The following CAMTA1 variants were observed in gnomAD, a reference collection of about 807,000 sequenced individuals.
CAMTA1 encodes calmodulin binding transcription activator 1.
A neutral mutation model predicts 170.9 loss-of-function variants in CAMTA1; 27 were observed. The ratio of observed to expected loss-of-function variants is 0.16; its 90% CI spans 0.12 to 0.22. The LOEUF (loss-of-function observed/expected upper bound fraction) is 0.22, where lower values mean the gene tolerates loss of function less well. Ranked by LOEUF, CAMTA1 falls within the 10% of genes least tolerant of loss-of-function variation. The pLI is 1.00. For missense variants in CAMTA1, 1,619 were observed against 2,217.2 expected, an observed-to-expected ratio of 0.73 and a Z score of 5.42; for synonymous variants, 833 against 891.5, an observed-to-expected ratio of 0.93 and a Z score of 1.17.
intron 5 of CAMTA1, among the ~76,000 whole-genome samples, chr1:7,269,814 G>A (rs1217900155): frequency 5.9e-5 from 9 of 152,160 alleles, no homozygotes; most frequent in Non-Finnish European, 1.5e-5. Flanking sequence ...TTGAAGAACA[G>A]GTGGTCAAGA....
chr1:7,136,981 C>T (rs1433626402), intron 4 of CAMTA1, among the ~76,000 whole-genome samples: 1 of 152,186 alleles, frequency 6.6e-6, no homozygotes, highest in Non-Finnish European at 1.5e-5. Context: ...CTGGCTTTCC[C>T]CTGGCCTTCA....
At chr1:6,978,640 A>T (rs1473807385) in intron 3 of CAMTA1, among the ~76,000 whole-genome samples, 5 of 150,648 alleles carry the variant, frequency 3.3e-5, no homozygotes, top group African/African-American at 1.2e-4. Flanking sequence ...TCTAAAAAAA[A>T]TACATATATA....
Position 7,173,097 on chromosome 1 carries a change from C to T in CAMTA1, c.303-76394C>T, listed in dbSNP as rs900228958. On this transcript the variant is annotated intron_variant, in intron 4 of 22. Coordinates refer to ENST00000303635, the MANE Select transcript of CAMTA1 (RefSeq NM_015215.4). This position sits in a 1 kb window ranked among gnomAD's most constrained non-coding sequence, Gnocchi z 5.4. ...CCGAAGCAAGAGCAGCCAGACGCTGCGTCCCTCCTGTCTCTTCAGCTGCGC... is the reference window on the plus strand; with the variant it reads ...CCGAAGCAAGAGCAGCCAGACGCTGTGTCCCTCCTGTCTCTTCAGCTGCGC... Among the ~76,000 whole-genome samples, 3 of 152,206 alleles carry T rather than the reference C, an allele frequency of 2.0e-5. No homozygotes were observed. Among genetic ancestry groups the T allele is most frequent in the South Asian group, 2.1e-4 (1 of 4,832 alleles).
rs2096742230 is a variant in CAMTA1 at position 7,732,612 on chromosome 1, G to A, written c.3066+13G>A. On this transcript the variant is annotated intron_variant, in intron 12 of 22. Coordinates refer to ENST00000303635, the MANE Select transcript of CAMTA1 (RefSeq NM_015215.4). The surrounding 1 kb of genome is among the most constrained non-coding windows in gnomAD (Gnocchi z 4.1). ...GAGCCAGGCACAGGTACGAGGCGGTGCTGATGCTCAGCTCCCATTTCGCTT... is the reference window on the plus strand; with the variant it reads ...GAGCCAGGCACAGGTACGAGGCGGTACTGATGCTCAGCTCCCATTTCGCTT... 4.4e-6 allele frequency: 7 copies of A among 1,579,410 alleles called. No homozygotes were observed. The East Asian group carries it at 9.1e-5, about 20-fold the overall frequency.
Position 7,661,778 on chromosome 1 carries a change from G to C in CAMTA1, c.717G>C (p.Ser239=). The change falls in exon 8 of 23, where the codon TCG becomes TCC. Residue 239 remains serine (S), a synonymous_variant. Coordinates refer to ENST00000303635, the MANE Select transcript of CAMTA1 (RefSeq NM_015215.4). ...CSNGNSSSGF[S]VEQLVQQILD... is the part of the protein sequence containing the mutation. ...ATGGGAACAGCAGCTCAGGCTTCTC[G>C]GTGGAACAGCTGGTGCAGCAGATCC... 6.2e-7 allele frequency: 1 copy of C among 1,613,922 alleles called. No homozygotes were observed. Among genetic ancestry groups the C allele is most frequent in the Non-Finnish European group, 8.5e-7 (1 of 1,179,988 alleles).
intron 5 of CAMTA1, among the ~76,000 whole-genome samples, chr1:7,376,979 C>G (rs1443032752): frequency 6.6e-6 from 1 of 152,142 alleles, no homozygotes; most frequent in African/African-American, 2.4e-5. Context: ...GTGCTGGACC[C>G]CTGCTGCATG....
At chr1:6,804,277 C>T (rs1014082975) in intron 1 of CAMTA1, among the ~76,000 whole-genome samples, 2 of 151,396 alleles carry the variant, frequency 1.3e-5, no homozygotes, top group Admixed American at 1.3e-4. Context: ...CTTGGCCTCC[C>T]GAAGTGCTGG....
intron 11 of CAMTA1, among the ~76,000 whole-genome samples, chr1:7,695,773 C>T (rs1055943743): frequency 1.1e-4 from 16 of 152,178 alleles, no homozygotes; most frequent in Non-Finnish European, 1.8e-4. Flanking sequence ...GCGCTTTTCC[C>T]TGGCCACTTT....
intron 6 of CAMTA1, among the ~76,000 whole-genome samples, chr1:7,501,605 C>T (rs72863059): frequency 0.022 from 2,956 of 133,166 alleles, 93 homozygotes; most frequent in African/African-American, 0.073. Context: ...TTTTGAAATT[C>T]GGATAAACAA....
chr1:7,024,232 A>G (rs1475155186), intron 3 of CAMTA1, among the ~76,000 whole-genome samples: 2 of 152,156 alleles, frequency 1.3e-5, no homozygotes, highest in South Asian at 4.1e-4. Context: ...ATACGGCTGG[A>G]GGAATAAAGA....
intron 6 of CAMTA1, among the ~76,000 whole-genome samples, chr1:7,506,094 C>T (rs933321071): frequency 2.0e-5 from 3 of 152,162 alleles, no homozygotes; most frequent in Non-Finnish European, 4.4e-5. Flanking sequence ...GAGGAGGAAG[C>T]CGGCCAGAGG....
chr1:6,904,741 T>A, intron 3 of CAMTA1, among the ~76,000 whole-genome samples: 1 of 129,320 alleles, frequency 7.7e-6, no homozygotes, highest in East Asian at 2.1e-4. Context: ...TAATTTTTTT[T>A]TTTTTTTTTT....
rs77472954 is a variant in CAMTA1, at chr1:7,227,668, G to T, written c.303-21823G>T. The stretch of plus-strand genomic sequence containing the variant: ...GTAAACGTCAAGTTTCTCCTGTGTG[G>T]GCCAATGTTCCTGGGGGCTGCCTGG... On this transcript the variant is annotated intron_variant, in intron 4 of 22. Coordinates refer to ENST00000303635, the MANE Select transcript of CAMTA1 (RefSeq NM_015215.4). 5.4e-3 allele frequency among the ~76,000 whole-genome samples: 823 copies of T among 152,314 alleles called. 6 individuals are homozygous for T. Among genetic ancestry groups the T allele is most frequent in the African/African-American group, 0.019 (771 of 41,568 alleles).
At position 7,663,487 on chromosome 1, in the gene CAMTA1, G is replaced by A. The variant is rs758739555; in HGVS notation, c.940G>A (p.Glu314Lys). The A allele has an allele frequency of 8.1e-6, 13 of 1,598,306 alleles. No individual in the cohort carries two copies. Among genetic ancestry groups the A allele is most frequent in the Admixed American group, 1.7e-5 (1 of 59,544 alleles). ...CAATGACGTGTCGGAGGGCAAGCACGAGCACAGCCACAGCAAGGGCTCCAG... is the reference window on the plus strand; with the variant it reads ...CAATGACGTGTCGGAGGGCAAGCACAAGCACAGCCACAGCAAGGGCTCCAG... ...QHNDVSEGKH[E>K]HSHSKGSSRE... Residue 314 changes from glutamate to lysine, a missense_variant, in exon 9 of 23, where the codon GAG (glutamate) becomes AAG (lysine). Physicochemically the swap from Glu to Lys is moderately conservative, Grantham distance 56. Coordinates refer to ENST00000303635, the MANE Select transcript of CAMTA1 (RefSeq NM_015215.4).
chr1:7,099,057 T>A (rs1050129514), intron 4 of CAMTA1, among the ~76,000 whole-genome samples: 1 of 152,100 alleles, frequency 6.6e-6, no homozygotes, highest in Non-Finnish European at 1.5e-5. Flanking sequence ...CCATGCTTTT[T>A]AAAAAAATTT....
chr1:7,149,638 C>G (rs1319925051), intron 4 of CAMTA1, among the ~76,000 whole-genome samples: 1 of 152,150 alleles, frequency 6.6e-6, no homozygotes, highest in Non-Finnish European at 1.5e-5. Flanking sequence ...TTTAGCTAGT[C>G]CCCGACACAC....
rs139512978 is a variant in CAMTA1 at position 7,639,035 on chromosome 1, G to A, written c.511-1365G>A. On this transcript the variant is annotated intron_variant, in intron 6 of 22. Coordinates refer to ENST00000303635, the MANE Select transcript of CAMTA1 (RefSeq NM_015215.4). ...GCTCTGTTGCCCAGGCTGGAGTGCA[G>A]GGGTGCGATCTCGGCTCACTGCAAG... Among the ~76,000 whole-genome samples, 1,156 of 152,304 alleles carry A rather than the reference G, an allele frequency of 7.6e-3. 20 individuals are homozygous for A. Among genetic ancestry groups the A allele is most frequent in the African/African-American group, 0.026 (1,092 of 41,568 alleles).
intron 11 of CAMTA1, among the ~76,000 whole-genome samples, chr1:7,702,399 G>A (rs1329145984): frequency 6.6e-6 from 1 of 152,212 alleles, no homozygotes; most frequent in East Asian, 1.9e-4. Flanking sequence ...AGAAAAGACT[G>A]AAGATTCCTT....
chr1:7,594,848 C>A (rs1045100292), intron 6 of CAMTA1, among the ~76,000 whole-genome samples: 1 of 152,196 alleles, frequency 6.6e-6, no homozygotes, highest in Admixed American at 6.5e-5. Context: ...TGAAGAGCTC[C>A]CCTCGGGTCA....
Sources: allele counts gnomAD v4.1 joint callset (sites outside exome capture counted in the v4.1 genomes callset), GRCh38; gene constraint gnomAD v4.1.1; non-coding constraint Gnocchi (gnomAD v3.1); transcripts MANE v1.5; gene names NCBI Gene and HGNC (gene_info 2026-07-23, HGNC 2026-07-21).